Variants in DNAH9 observed in about 807,000 individuals in gnomAD.
DNAH9 encodes DNAH9 variant protein.
In DNAH9, 345 loss-of-function variants were observed where a neutral mutation model predicts 471.6. The ratio of observed to expected loss-of-function variants is 0.73; its 90% CI spans 0.67 to 0.80. The LOEUF (loss-of-function observed/expected upper bound fraction) is 0.80. Among genes scored for constraint, DNAH9 ranks in the 30% least tolerant of loss-of-function variants. The pLI, the probability that DNAH9 is intolerant of heterozygous loss-of-function variation, is 0.00. For missense variants in DNAH9, 5,407 were observed against 5,609.2 expected, an observed-to-expected ratio of 0.96 and a Z score of 1.15; for synonymous variants, 2,093 against 2,123.6, an observed-to-expected ratio of 0.99 and a Z score of 0.40.
chr17:11,947,807 A>C (rs1555528620), intron 67 of DNAH9, among the ~76,000 whole-genome samples: 2 of 121,278 alleles, frequency 1.6e-5, no homozygotes, highest in Non-Finnish European at 3.2e-5. Flanking sequence ...TTTGAGACAG[A>C]GTCTTGCTCT....
chr17:11,765,554 A>G (rs1411202541), intron 36 of DNAH9, among the ~76,000 whole-genome samples: 1 of 152,222 alleles, frequency 6.6e-6, no homozygotes, highest in East Asian at 1.9e-4. Flanking sequence ...CAGCTCTCGC[A>G]GGCTCTCAGG....
chr17:11,821,288 A>G (rs1306251200), intron 45 of DNAH9, among the ~76,000 whole-genome samples: 1 of 24,202 alleles, frequency 4.1e-5, no homozygotes, highest in African/African-American at 1.7e-4. Flanking sequence ...CTCTATCTCA[A>G]AAAAAAAAAA....
At chr17:11,731,802 T>A (rs1411236102) in intron 28 of DNAH9, among the ~76,000 whole-genome samples, 1 of 152,138 alleles carries the variant, frequency 6.6e-6, no homozygotes, top group African/African-American at 2.4e-5. Flanking sequence ...TCTATCATTG[T>A]TGGACATTTG....
intron 45 of DNAH9, among the ~76,000 whole-genome samples, chr17:11,821,696 C>T (rs931204217): frequency 2.6e-5 from 4 of 152,154 alleles, no homozygotes; most frequent in African/African-American, 7.2e-5. Flanking sequence ...CTGTCTACCC[C>T]AGGACAAGAG....
Position 11,904,579 on chromosome 17 carries a change from C to T in DNAH9, c.11601-1082C>T, listed in dbSNP as rs146356078. Among the ~76,000 whole-genome samples the T allele has an allele frequency of 4.2e-4, 60 of 142,828 alleles. No homozygotes were observed. The East Asian group carries it at 4.4e-3, about 10-fold the overall frequency. The allele number at this position is 142,828 out of a possible 152,430, so 93.7% of individuals were successfully genotyped here. On this transcript the variant is annotated intron_variant, in intron 60 of 68. Coordinates refer to ENST00000262442, the MANE Select transcript of DNAH9 (RefSeq NM_001372.4). ...GGTGGAGGCGGATGTTGCAGTGAGCCGAGATCGCACCACTGCACTCCAGCC... is the reference window on the plus strand; with the variant it reads ...GGTGGAGGCGGATGTTGCAGTGAGCTGAGATCGCACCACTGCACTCCAGCC...
chr17:11,762,783 T>TTTTTTTG (rs1967757346), intron 35 of DNAH9, among the ~76,000 whole-genome samples: 1 of 133,770 alleles, frequency 7.5e-6, no homozygotes, highest in African/African-American at 2.7e-5. Flanking sequence ...TTTTTTTTTT[T>TTTTTTTG]TTTTTTTTTT....
chr17:11,936,060 C>T (rs1439969288), intron 65 of DNAH9, among the ~76,000 whole-genome samples: 2 of 152,118 alleles, frequency 1.3e-5, no homozygotes, highest in Non-Finnish European at 2.9e-5. Flanking sequence ...AGGGTGAAAT[C>T]GATTTGCACA....
rs1184604361 is a variant in DNAH9, at chr17:11,669,055, G to A, written c.2732-9G>A. 1 of 1,591,248 alleles carries A rather than the reference G, an allele frequency of 6.3e-7. No individual in the cohort carries two copies. Among genetic ancestry groups the A allele is most frequent in the African/African-American group, 1.4e-5 (1 of 73,720 alleles). ...TTTGTTTTGTTTGCTTGTTTTCTGT[G>A]TTTTTCAGAGTGTAAGGCAGGACTT... is the stretch of plus-strand genomic sequence containing the variant. On this transcript the variant is annotated splice_polypyrimidine_tract_variant and intron_variant, in intron 15 of 68. Coordinates refer to ENST00000262442, the MANE Select transcript of DNAH9 (RefSeq NM_001372.4).
At chr17:11,739,989 C>T (rs774719662) in intron 29 of DNAH9, among the ~76,000 whole-genome samples, 7 of 152,268 alleles carry the variant, frequency 4.6e-5, no homozygotes, top group African/African-American at 1.7e-4. Flanking sequence ...CATAGGAGAT[C>T]GCTGGGCAGC....
chr17:11,663,776 T>A (rs1359291523), intron 14 of DNAH9, among the ~76,000 whole-genome samples: 1 of 152,154 alleles, frequency 6.6e-6, no homozygotes, highest in Non-Finnish European at 1.5e-5. Flanking sequence ...TAGAAGTGAT[T>A]TAATGTGGAA....
chr17:11,616,604 T>G (rs1397113750), intron 4 of DNAH9, among the ~76,000 whole-genome samples: 1 of 152,152 alleles, frequency 6.6e-6, no homozygotes. Context: ...TCAGAGGAGA[T>G]GGTAAGAGAT....
At chr17:11,633,465 G>A in intron 8 of DNAH9, among the ~76,000 whole-genome samples, 1 of 152,092 alleles carries the variant, frequency 6.6e-6, no homozygotes, top group East Asian at 1.9e-4. Context: ...GTGATGGGTG[G>A]GACAATTGTA....
intron 49 of DNAH9, among the ~76,000 whole-genome samples, chr17:11,841,031 C>T (rs558891299): frequency 6.6e-6 from 1 of 152,272 alleles, no homozygotes; most frequent in South Asian, 2.1e-4. Flanking sequence ...ATACATTCTG[C>T]CAAGTTTCTA....
At chr17:11,852,699 C>T (rs1469116527) in intron 49 of DNAH9, among the ~76,000 whole-genome samples, 4 of 150,806 alleles carry the variant, frequency 2.7e-5, no homozygotes, top group Non-Finnish European at 5.9e-5. Flanking sequence ...GTGCTCTGTC[C>T]CTGGGTCACG....
intron 1 of DNAH9, among the ~76,000 whole-genome samples, chr17:11,601,995 G>A (rs1241181983): frequency 6.6e-6 from 1 of 152,138 alleles, no homozygotes; most frequent in Non-Finnish European, 1.5e-5. Flanking sequence ...CCTAAGAAAT[G>A]TTTGAAAGGA....
At chr17:11,904,071 G>A (rs1005859004) in intron 60 of DNAH9, among the ~76,000 whole-genome samples, 6 of 152,142 alleles carry the variant, frequency 3.9e-5, no homozygotes, top group African/African-American at 1.4e-4. Context: ...CCATTTGTGT[G>A]TCCTAACATT....
At chr17:11,728,745 T>C (rs2075202473) in intron 28 of DNAH9, among the ~76,000 whole-genome samples, 1 of 152,174 alleles carries the variant, frequency 6.6e-6, no homozygotes, top group African/African-American at 2.4e-5. Context: ...TGAAATTCTG[T>C]ACCAGGCACT....
chr17:11,844,479 C>T (rs1971144820), intron 49 of DNAH9, among the ~76,000 whole-genome samples: 1 of 152,166 alleles, frequency 6.6e-6, no homozygotes, highest in Non-Finnish European at 1.5e-5. Context: ...GATCTCGGCT[C>T]ACTGCAACTT....
chr17:11,607,608 C>T (rs564567037), intron 1 of DNAH9, among the ~76,000 whole-genome samples: 7 of 152,110 alleles, frequency 4.6e-5, no homozygotes, highest in Admixed American at 2.0e-4. Flanking sequence ...CTTACTCTGT[C>T]GCCCAGGCTG....
Sources: allele counts gnomAD v4.1 joint callset (sites outside exome capture counted in the v4.1 genomes callset), GRCh38; gene constraint gnomAD v4.1.1; transcripts MANE v1.5; gene names NCBI Gene and HGNC (gene_info 2026-07-23, HGNC 2026-07-21).